Variants in VAV3 observed in about 807,000 individuals in gnomAD.
The protein encoded by VAV3 is vav guanine nucleotide exchange factor 3, also known as guanine nucleotide exchange factor VAV3.
Under a neutral mutation model 131.2 loss-of-function variants are expected in VAV3, and 94 were observed. That is an observed-to-expected ratio of 0.72 (90% CI 0.61 to 0.85). The LOEUF is 0.85. Among genes scored for constraint, VAV3 ranks in the 40% least tolerant of loss-of-function variants. The pLI, the probability that VAV3 is intolerant of heterozygous loss-of-function variation, is 0.00. For missense variants in VAV3, 939 were observed against 1,002.7 expected (o/e 0.94, Z 0.86); for synonymous variants, 349 against 342.0 (o/e 1.02, Z -0.22).
intron 20 of VAV3, among the ~76,000 whole-genome samples, chr1:107,623,124 C>T (rs1653731004): frequency 6.6e-6 from 1 of 152,122 alleles, no homozygotes. Flanking sequence ...TCTTGGAAAA[C>T]ACACAAAGGC....
chr1:107,773,491 A>T (rs1570933256), intron 4 of VAV3, among the ~76,000 whole-genome samples: 1 of 152,138 alleles, frequency 6.6e-6, no homozygotes, highest in Non-Finnish European at 1.5e-5. Context: ...TTCAGAGGAA[A>T]CCCACCAGTC....
chr1:107,581,082 T>G (rs1444311700), intron 25 of VAV3, among the ~76,000 whole-genome samples: 1 of 152,250 alleles, frequency 6.6e-6, no homozygotes, highest in Non-Finnish European at 1.5e-5. Flanking sequence ...TGCATCATGT[T>G]GTTCTGGAAG....
rs1675314308 is a variant in VAV3, at chr1:107,964,453, G to A, written c.204+213C>T. 3.3e-5 allele frequency: 17 copies of A among 516,562 alleles called. No homozygotes were observed. The South Asian group carries it at 4.5e-4, about 14-fold the overall frequency. 32.0% of individuals were successfully genotyped at this position (516,562 alleles called of 1,614,324 possible). On this transcript the variant is annotated intron_variant, in intron 1 of 26. Transcript: ENST00000370056. The stretch of plus-strand genomic sequence containing the variant: ...TTTACGAAATCCTCACACCATCTCC[G>A]GACGCAAAGCTTTCGCATTCAGCTT...
chr1:107,911,461 G>A (rs1048722080), intron 1 of VAV3, among the ~76,000 whole-genome samples: 3 of 152,104 alleles, frequency 2.0e-5, no homozygotes, highest in Non-Finnish European at 4.4e-5. Context: ...AAACACAACT[G>A]GAGGCAGATA....
rs188503426 is a variant in VAV3 at position 107,777,995 on chromosome 1, T to C, written c.381-699A>G. Among the ~76,000 whole-genome samples the C allele has an allele frequency of 2.0e-3, 302 of 152,320 alleles. 1 individual carries two copies. The highest frequency in any genetic ancestry group is 1.5e-3 in the East Asian group (8 of 5,190). On this transcript the variant is annotated intron_variant, in intron 3 of 26. Coordinates refer to ENST00000370056, the MANE Select transcript of VAV3 (RefSeq NM_006113.5). ...CTGTGTGGCTTCCTTGTTTGCATCA[T>C]GGTACTATGTCCTTTTTTCATAACT...
intron 19 of VAV3, among the ~76,000 whole-genome samples, chr1:107,660,210 T>A (rs1656907374): frequency 6.6e-6 from 1 of 152,294 alleles, no homozygotes; most frequent in East Asian, 1.9e-4. Flanking sequence ...GAAAGGGAGA[T>A]TCCTTTCTTT....
chr1:107,709,779 G>A (rs1660668111), intron 15 of VAV3, among the ~76,000 whole-genome samples: 1 of 152,176 alleles, frequency 6.6e-6, no homozygotes, highest in African/African-American at 2.4e-5. Context: ...CTGCTGCCAT[G>A]TGAGAAAGGA....
At chr1:107,740,946 G>A (rs1327623530) in intron 15 of VAV3, among the ~76,000 whole-genome samples, 3 of 152,184 alleles carry the variant, frequency 2.0e-5, no homozygotes, top group Non-Finnish European at 4.4e-5. Flanking sequence ...TGTTCTAAGA[G>A]ACGAAATTTG....
At chr1:107,668,918 A>C in intron 19 of VAV3, 3 of 987,350 alleles carry the variant, frequency 3.0e-6, no homozygotes, top group Non-Finnish European at 3.6e-6. Context: ...TTAGTTCACA[A>C]GCTACTTATC....
At chr1:107,803,334 G>T (rs1026388080) in intron 2 of VAV3, among the ~76,000 whole-genome samples, 9 of 151,878 alleles carry the variant, frequency 5.9e-5, no homozygotes, top group Non-Finnish European at 1.2e-4. Flanking sequence ...CTAGTTCCTT[G>T]AGGTGCATTA....
intron 19 of VAV3, among the ~76,000 whole-genome samples, chr1:107,651,822 C>T (rs1656195968): frequency 6.6e-6 from 1 of 152,070 alleles, no homozygotes; most frequent in African/African-American, 2.4e-5. Flanking sequence ...AACTTGCTCA[C>T]TGCACTTAAA....
chr1:107,633,070 T>C (rs1344262717), intron 20 of VAV3, among the ~76,000 whole-genome samples: 1 of 152,200 alleles, frequency 6.6e-6, no homozygotes, highest in African/African-American at 2.4e-5. Context: ...ATCTCAATTA[T>C]AGTTCTACTT....
intron 1 of VAV3, 56 bp downstream of exon 1, chr1:107,964,610 G>A: frequency 6.4e-7 from 1 of 1,563,168 alleles, no homozygotes; most frequent in Non-Finnish European, 8.7e-7. Context: ...GAAATTAGCC[G>A]CATGATTAAT....
intron 2 of VAV3, among the ~76,000 whole-genome samples, chr1:107,784,938 C>T (rs373216758): frequency 6.6e-6 from 1 of 152,154 alleles, no homozygotes; most frequent in Admixed American, 6.5e-5. Flanking sequence ...AAACCTAGAG[C>T]CAACAAACAT....
chr1:107,590,101 T>C (rs895043608), intron 25 of VAV3, among the ~76,000 whole-genome samples: 12 of 152,232 alleles, frequency 7.9e-5, no homozygotes, highest in African/African-American at 2.9e-4. Context: ...GCCTAGGCTC[T>C]GTTCTGGCTT....
intron 2 of VAV3, among the ~76,000 whole-genome samples, chr1:107,787,246 T>G (rs767726427): frequency 1.4e-4 from 21 of 152,198 alleles, no homozygotes; most frequent in Admixed American, 9.8e-4. Context: ...ATAAGTTTCT[T>G]GTATTTACTG....
At chr1:107,603,918 C>A (rs943757) in intron 22 of VAV3, among the ~76,000 whole-genome samples, 1 of 151,632 alleles carries the variant, frequency 6.6e-6, no homozygotes, top group Non-Finnish European at 1.5e-5. Flanking sequence ...GAGGCCTGTG[C>A]CTCAGCCTCC....
intron 25 of VAV3, among the ~76,000 whole-genome samples, chr1:107,576,869 T>C (rs571853986): frequency 5.3e-5 from 8 of 152,332 alleles, no homozygotes; most frequent in East Asian, 1.9e-4. Context: ...CAATGAAACA[T>C]GCAGAACCCA....
chr1:107,951,735 A>T (rs1443050851), intron 1 of VAV3, among the ~76,000 whole-genome samples: 1 of 152,070 alleles, frequency 6.6e-6, no homozygotes, highest in African/African-American at 2.4e-5. Context: ...AACATTACTG[A>T]TCTTCAGAGA....
Sources: gnomAD v4.1 joint callset for allele counts (sites outside exome capture counted in the v4.1 genomes callset) on GRCh38, gnomAD v4.1.1 for gene constraint, MANE v1.5 for transcripts, NCBI Gene and HGNC (gene_info 2026-07-23, HGNC 2026-07-21) for gene names.